NRXN3: variants seen among roughly 807,000 people sequenced by gnomAD.
NRXN3 encodes the protein neurexin III.
NRXN3 carries 32 observed loss-of-function variants against 137.6 expected under a neutral mutation model. The ratio of observed to expected loss-of-function variants is 0.23; its 90% CI spans 0.18 to 0.31. The LOEUF is 0.31. Ranked by LOEUF, NRXN3 falls within the 10% of genes least tolerant of loss-of-function variation. The probability of loss-of-function intolerance (pLI) is 1.00; values close to 1 mark genes in which losing one functional copy is unlikely to be tolerated. For missense variants in NRXN3, 1,574 were observed against 2,062.5 expected, an observed-to-expected ratio of 0.76 and a Z score of 4.59; for synonymous variants, 798 against 784.5, an observed-to-expected ratio of 1.02 and a Z score of -0.29.
intron 2 of NRXN3, among the ~76,000 whole-genome samples, chr14:78,245,840 C>T (rs1420113791): frequency 1.3e-5 from 2 of 152,122 alleles, no homozygotes; most frequent in Non-Finnish European, 2.9e-5. Flanking sequence ...CCTTATTTGG[C>T]TTCTGTTTTT....
chr14:78,823,555 A>C (rs777772813), intron 10 of NRXN3, among the ~76,000 whole-genome samples: 1 of 152,188 alleles, frequency 6.6e-6, no homozygotes, highest in Non-Finnish European at 1.5e-5. Context: ...TGCTGTAAAC[A>C]AAGAATCATG....
At chr14:78,180,376 CA>C (rs1270237528) in intron 1 of NRXN3, among the ~76,000 whole-genome samples, 37 of 152,288 alleles carry the variant, frequency 2.4e-4, no homozygotes, top group African/African-American at 7.7e-4. Context: ...CCAGTAGTAA[CA>C]AAAAGAACCA....
chr14:78,669,358 A>G (rs990827284), intron 6 of NRXN3, among the ~76,000 whole-genome samples: 14 of 152,162 alleles, frequency 9.2e-5, no homozygotes, highest in Admixed American at 3.3e-4. Context: ...GAAAAAATTC[A>G]GGGTGAGTCC....
chr14:79,714,771 A>T (rs924822572), intron 19 of NRXN3, among the ~76,000 whole-genome samples: 2 of 151,988 alleles, frequency 1.3e-5, no homozygotes, highest in African/African-American at 4.8e-5. Flanking sequence ...TGTCCTCCTC[A>T]CCTGATTAGG....
intron 15 of NRXN3, among the ~76,000 whole-genome samples, chr14:79,464,683 T>C (rs1363482228): frequency 6.6e-6 from 1 of 152,142 alleles, no homozygotes; most frequent in Non-Finnish European, 1.5e-5. Flanking sequence ...TACAGACAAC[T>C]GTTTGCCCCA....
intron 4 of NRXN3, among the ~76,000 whole-genome samples, chr14:78,303,030 C>T (rs1040136133): frequency 3.9e-5 from 6 of 152,166 alleles, no homozygotes; most frequent in Non-Finnish European, 7.4e-5. Context: ...TTAGCTATCT[C>T]CCTTTCAAAG....
chr14:79,012,763 G>C (rs1468476295), intron 15 of NRXN3, among the ~76,000 whole-genome samples: 1 of 152,068 alleles, frequency 6.6e-6, no homozygotes, highest in Non-Finnish European at 1.5e-5. Flanking sequence ...CTTTCCTTCT[G>C]GAGCTTTCCA....
At chr14:79,633,555 G>A (rs1469843775) in intron 16 of NRXN3, among the ~76,000 whole-genome samples, 2 of 150,538 alleles carry the variant, frequency 1.3e-5, no homozygotes, top group Non-Finnish European at 2.9e-5. Context: ...CAGAATAAGT[G>A]CTCAATAAAT....
At chr14:79,642,671 C>A (rs551945044) in intron 16 of NRXN3, among the ~76,000 whole-genome samples, 1 of 135,000 alleles carries the variant, frequency 7.4e-6, no homozygotes, top group East Asian at 2.0e-4. Context: ...TGTAAGCCTG[C>A]CTCAGTTTTC....
At chr14:79,831,513 C>T (rs903099714) in intron 20 of NRXN3, among the ~76,000 whole-genome samples, 3 of 152,138 alleles carry the variant, frequency 2.0e-5, no homozygotes, top group Non-Finnish European at 4.4e-5. Flanking sequence ...TCTTAGATAT[C>T]AAGTTTCTAT....
chr14:78,316,077 G>A (rs570163239), intron 4 of NRXN3, among the ~76,000 whole-genome samples: 1 of 152,224 alleles, frequency 6.6e-6, no homozygotes, highest in South Asian at 2.1e-4. Context: ...CTGGGCTTGT[G>A]ATTTTTTTCT....
chr14:78,668,337 G>C (rs1272784261), intron 6 of NRXN3, among the ~76,000 whole-genome samples: 2 of 152,160 alleles, frequency 1.3e-5, no homozygotes, highest in East Asian at 1.9e-4. Flanking sequence ...ATGGTGTTTG[G>C]AATGCAAAGT....
Position 78,243,388 on chromosome 14 carries a change from C to T in NRXN3, c.295C>T (p.Leu99=). The part of the protein sequence containing the change: ...FSMDCAETAV[L]SNKQVNDSSW... ...CATGGACTGTGCCGAGACTGCCGTG[C>T]TGTCCAACAAGCAGGTGAATGACAG... Residue 99 remains leucine, a synonymous_variant, in exon 2 of 21, where the codon CTG becomes TTG. Transcript: ENST00000335750. This position sits in a 1 kb window ranked among gnomAD's most constrained non-coding sequence, Gnocchi z 4.2. The T allele has an allele frequency of 6.4e-7, 1 of 1,566,012 alleles. No homozygotes were observed. Among genetic ancestry groups the T allele is most frequent in the Non-Finnish European group, 8.6e-7 (1 of 1,163,504 alleles).
chr14:78,489,227 ATAAC>A (rs1433470125), intron 4 of NRXN3, among the ~76,000 whole-genome samples: 1 of 152,194 alleles, frequency 6.6e-6, no homozygotes, highest in Non-Finnish European at 1.5e-5. Flanking sequence ...GAATGAGAAA[ATAAC>A]TGACTCGCTC....
chr14:78,795,620 A>G (rs917986812), intron 8 of NRXN3, among the ~76,000 whole-genome samples: 3 of 152,214 alleles, frequency 2.0e-5, no homozygotes, highest in African/African-American at 7.2e-5. Flanking sequence ...GCTTACTATG[A>G]CAAATACAGA....
At chr14:78,605,719 A>C (rs1352341110) in intron 4 of NRXN3, among the ~76,000 whole-genome samples, 1 of 152,110 alleles carries the variant, frequency 6.6e-6, no homozygotes, top group Non-Finnish European at 1.5e-5. Context: ...TTTCTTTAAA[A>C]AAAATAAAAC....
At chr14:79,606,673 G>A (rs186138685) in intron 16 of NRXN3, among the ~76,000 whole-genome samples, 2 of 152,260 alleles carry the variant, frequency 1.3e-5, no homozygotes, top group Admixed American at 6.5e-5. Flanking sequence ...TAATAAATGG[G>A]TTGTGCACAG....
intron 10 of NRXN3, among the ~76,000 whole-genome samples, chr14:78,930,142 C>T (rs2099317571): frequency 6.6e-6 from 1 of 152,086 alleles, no homozygotes; most frequent in Admixed American, 6.6e-5. Context: ...TTCAAGTTCC[C>T]TGCTGGCCTG....
chr14:78,829,096 G>A (rs2098974852), intron 10 of NRXN3, among the ~76,000 whole-genome samples: 1 of 152,122 alleles, frequency 6.6e-6, no homozygotes, highest in East Asian at 1.9e-4. Context: ...GTGTGTTTGA[G>A]GAATAGGAAG....
Sources: gnomAD v4.1 joint callset for allele counts (sites outside exome capture counted in the v4.1 genomes callset) on GRCh38, gnomAD v4.1.1 for gene constraint, Gnocchi (gnomAD v3.1) non-coding constraint, MANE v1.5 for transcripts, NCBI Gene and HGNC (gene_info 2026-07-23, HGNC 2026-07-21) for gene names.